UQCC1: variants seen among roughly 807,000 people sequenced by gnomAD.
The protein encoded by UQCC1 is bFGF-repressed Zic-binding protein.
UQCC1 carries 38 observed loss-of-function variants against 48.0 expected under a neutral mutation model. The ratio of observed to expected loss-of-function variants is 0.79; its 90% confidence interval spans 0.61 to 1.04. The LOEUF (loss-of-function observed/expected upper bound fraction) is 1.04, where lower values mean the gene tolerates loss of function less well. Ranked by LOEUF, UQCC1 falls within the 50% of genes least tolerant of loss-of-function variation. The probability of loss-of-function intolerance (pLI) is 0.00; values close to 1 mark genes in which losing one functional copy is unlikely to be tolerated. For synonymous variants in UQCC1, 111 were observed against 129.2 expected (o/e 0.86, Z 0.95); for missense variants, 368 against 381.8 (o/e 0.96, Z 0.30).
chr20:35,310,202 T>C (rs926997547), intron 8 of UQCC1, among the ~76,000 whole-genome samples: 3 of 152,210 alleles, frequency 2.0e-5, no homozygotes, highest in African/African-American at 4.8e-5. Flanking sequence ...TATTCACCAA[T>C]ATATTCCCAT....
chr20:35,328,281 T>C (rs2061219203), intron 7 of UQCC1, among the ~76,000 whole-genome samples: 1 of 152,202 alleles, frequency 6.6e-6, no homozygotes, highest in Non-Finnish European at 1.5e-5. Context: ...TTTCCCCACC[T>C]GGTGAGTCTG....
chr20:35,321,296 G>A (rs1413072362), intron 7 of UQCC1, among the ~76,000 whole-genome samples: 7 of 152,098 alleles, frequency 4.6e-5, no homozygotes, highest in Admixed American at 2.6e-4. Context: ...GCGCGCGCGC[G>A]CGCACGCTCA....
At chr20:35,323,152 C>G (rs1030125888) in intron 7 of UQCC1, among the ~76,000 whole-genome samples, 2 of 152,204 alleles carry the variant, frequency 1.3e-5, no homozygotes, top group Non-Finnish European at 2.9e-5. Context: ...CGGCCCCAAT[C>G]TACTGTCTTT....
intron 2 of UQCC1, among the ~76,000 whole-genome samples, chr20:35,385,646 C>A (rs903398783): frequency 3.9e-5 from 6 of 152,104 alleles, no homozygotes; most frequent in African/African-American, 7.2e-5. Flanking sequence ...GGACTACAGG[C>A]ATCTGTCATC....
chr20:35,391,967 T>C (rs572503361), intron 2 of UQCC1, among the ~76,000 whole-genome samples: 4 of 152,296 alleles, frequency 2.6e-5, no homozygotes, highest in Non-Finnish European at 5.9e-5. Flanking sequence ...AAGACAAAGC[T>C]GAAAGTATGT....
At chr20:35,328,478 T>C (rs896004919) in intron 7 of UQCC1, among the ~76,000 whole-genome samples, 3 of 152,226 alleles carry the variant, frequency 2.0e-5, no homozygotes, top group African/African-American at 7.2e-5. Flanking sequence ...TCCCTCACAA[T>C]GCTACAAGCG....
chr20:35,340,221 G>C (rs917810412), intron 7 of UQCC1, among the ~76,000 whole-genome samples: 1 of 152,104 alleles, frequency 6.6e-6, no homozygotes, highest in Non-Finnish European at 1.5e-5. Context: ...CCTACTCCTC[G>C]AACTCTTGCT....
intron 7 of UQCC1, among the ~76,000 whole-genome samples, chr20:35,332,607 C>G (rs2061268964): frequency 6.6e-6 from 1 of 152,218 alleles, no homozygotes; most frequent in Non-Finnish European, 1.5e-5. Context: ...GCCAAAGCCC[C>G]ATTTTGGAGG....
chr20:35,411,542 A>C (rs900570618), intron 1 of UQCC1, among the ~76,000 whole-genome samples: 1 of 152,196 alleles, frequency 6.6e-6, no homozygotes. Flanking sequence ...CGTTTTTCAC[A>C]TAGGGTCAAT....
chr20:35,401,656 AC>A (rs2062166998), intron 1 of UQCC1, among the ~76,000 whole-genome samples: 1 of 112,668 alleles, frequency 8.9e-6, no homozygotes, highest in Non-Finnish European at 1.9e-5. Context: ...CATGAAATCC[AC>A]CTTTTTTTTT....
chr20:35,360,845 C>T (rs2061598077), intron 6 of UQCC1, among the ~76,000 whole-genome samples: 1 of 152,138 alleles, frequency 6.6e-6, no homozygotes, highest in East Asian at 1.9e-4. Context: ...GCTCATATGA[C>T]ATGTTCATAC....
intron 2 of UQCC1, among the ~76,000 whole-genome samples, chr20:35,388,224 A>C (rs910220402): frequency 2.6e-5 from 4 of 151,370 alleles, no homozygotes; most frequent in African/African-American, 9.7e-5. Context: ...TCAAGTGATC[A>C]GCCCACCTTA....
Position 35,314,764 on chromosome 20 carries a change from A to C in UQCC1, c.575T>G (p.Val192Gly), listed in dbSNP as rs1274138157. Reference protein sequence around the residue: ...DVQQRGRVMGVNPYILKKNMI... With the variant: ...DVQQRGRVMGGNPYILKKNMI... ...GTTCTTCTTCAGGATATAGGGATTAACCTACAGAAACAAATGGCAAAAACA... is the reference window on the plus strand; with the variant it reads ...GTTCTTCTTCAGGATATAGGGATTACCCTACAGAAACAAATGGCAAAAACA... Residue 192 changes from valine to glycine, a missense_variant and splice_region_variant, in exon 8 of 10, where the codon GTT (valine) becomes GGT (glycine). Coordinates refer to ENST00000374385, the MANE Select transcript of UQCC1 (RefSeq NM_018244.5). 2.5e-6 allele frequency: 4 copies of C among 1,588,342 alleles called. No individual in the cohort carries two copies. The highest frequency in any genetic ancestry group is 1.3e-5 in the African/African-American group (1 of 74,684).
At chr20:35,354,330 T>C (rs1389336675) in intron 6 of UQCC1, among the ~76,000 whole-genome samples, 1 of 152,134 alleles carries the variant, frequency 6.6e-6, no homozygotes, top group Non-Finnish European at 1.5e-5. Flanking sequence ...CTGTACCTAA[T>C]TTTGCTGATA....
rs536734087 is a variant in UQCC1 at position 35,404,539 on chromosome 20, C to CA, written c.24+7400dup. ...TGGGTGACAAAGCAAGACTCCATCTCAAAAAAAAAAGAGATATACCTAATG... is the reference window on the plus strand; with the variant it reads ...TGGGTGACAAAGCAAGACTCCATCTCAAAAAAAAAAAGAGATATACCTAATG... On this transcript the variant is annotated intron_variant, in intron 1 of 9. Transcript: ENST00000374385. Among the ~76,000 whole-genome samples the CA allele has an allele frequency of 4.6e-3, 669 of 143,996 alleles. 2 individuals are homozygous for CA. The highest frequency in any genetic ancestry group is 7.8e-3 in the Non-Finnish European group (511 of 65,632). The allele number at this position is 143,996 out of a possible 152,430, so 94.5% of individuals were successfully genotyped here. A position where few individuals can be genotyped will look rare whatever the true frequency, so the allele number is the denominator to read the frequency against.
intron 6 of UQCC1, among the ~76,000 whole-genome samples, chr20:35,362,984 C>G (rs1051841868): frequency 6.9e-6 from 1 of 144,398 alleles, no homozygotes; most frequent in African/African-American, 2.6e-5. Flanking sequence ...CTTCCCCCTT[C>G]TTTCTTTTCT....
At chr20:35,342,586 T>C (rs1475579410) in intron 7 of UQCC1, among the ~76,000 whole-genome samples, 5 of 152,188 alleles carry the variant, frequency 3.3e-5, no homozygotes, top group Non-Finnish European at 7.3e-5. Flanking sequence ...CGCTGTCTGT[T>C]TTTACAGCTG....
At chr20:35,356,492 AAC>A (rs2061548615) in intron 6 of UQCC1, among the ~76,000 whole-genome samples, 1 of 152,276 alleles carries the variant, frequency 6.6e-6, no homozygotes, top group African/African-American at 2.4e-5. Context: ...TGCTATAATT[AAC>A]AGTTAACACA....
intron 8 of UQCC1, among the ~76,000 whole-genome samples, chr20:35,310,218 A>G (rs961446387): frequency 1.3e-5 from 2 of 152,236 alleles, no homozygotes; most frequent in African/African-American, 4.8e-5. Context: ...CCCATGTATC[A>G]CACATGGTAG....
Sources: allele counts gnomAD v4.1 joint callset (sites outside exome capture counted in the v4.1 genomes callset), GRCh38; gene constraint gnomAD v4.1.1; transcripts MANE v1.5; gene names NCBI Gene and HGNC (gene_info 2026-07-23, HGNC 2026-07-21).